The following CSMD1 variants were observed in gnomAD, a reference collection of about 807,000 sequenced individuals.
CSMD1 encodes the protein CUB and sushi domain-containing protein 1.
In CSMD1, 213 loss-of-function variants were observed where a neutral mutation model predicts 417.5. The observed-to-expected ratio is 0.51, with a 90% CI of 0.46 to 0.57. CSMD1 has a LOEUF of 0.57. CSMD1 is among the 20% of genes least tolerant of loss of function. CSMD1 has a pLI of 0.00. For missense variants in CSMD1, 6,923 were observed against 4,529.7 expected (o/e 1.53, Z -15.17); for synonymous variants, 2,862 against 1,736.8 (o/e 1.65, Z -16.11).
intron 54 of CSMD1, among the ~76,000 whole-genome samples, chr8:2,986,567 C>T (rs752888613): frequency 3.0e-4 from 45 of 152,104 alleles, no homozygotes; most frequent in Non-Finnish European, 5.1e-4. Flanking sequence ...TGCAATGGCG[C>T]GATCTCAGCT....
In CSMD1 at chr8:4,653,498, A is replaced by G. The variant is rs562707560; in HGVS notation, c.86-15940T>C. On this transcript the variant is annotated intron_variant, in intron 1 of 69. Transcript: ENST00000635120. ...TTTCAAATAAAGGAAAGACTTACAG[A>G]CACCAGACTTTCTAAAATAGATTTT... Among the ~76,000 whole-genome samples the G allele has an allele frequency of 9.9e-5, 15 of 152,246 alleles. 1 individual carries two copies. Among genetic ancestry groups the G allele is most frequent in the Admixed American group, 5.9e-4 (9 of 15,300 alleles).
At chr8:3,628,545 G>A (rs752675278) in intron 7 of CSMD1, among the ~76,000 whole-genome samples, 23 of 152,218 alleles carry the variant, frequency 1.5e-4, no homozygotes, top group Non-Finnish European at 1.5e-4. Context: ...GAAAGCCAGA[G>A]CTGGTTGGAT....
At chr8:3,510,794 G>T (rs188145521) in intron 10 of CSMD1, among the ~76,000 whole-genome samples, 1 of 151,836 alleles carries the variant, frequency 6.6e-6, no homozygotes, top group Non-Finnish European at 1.5e-5. Context: ...TTTATTAGCC[G>T]CATAAATGTC....
At chr8:3,173,254 A>G (rs1247628134) in intron 37 of CSMD1, among the ~76,000 whole-genome samples, 1 of 152,218 alleles carries the variant, frequency 6.6e-6, no homozygotes, top group Non-Finnish European at 1.5e-5. Context: ...CACACAAATA[A>G]ATATTGAATG....
At chr8:4,324,335 G>A (rs75606009) in intron 3 of CSMD1, among the ~76,000 whole-genome samples, 1,562 of 152,236 alleles carry the variant, frequency 0.01, 25 homozygotes, top group African/African-American at 0.035. Flanking sequence ...ATCAATACTC[G>A]GAAGGTCCTG....
rs80267896 is a variant in CSMD1 at position 3,801,152 on chromosome 8, G to C, written c.819-47110C>G. On this transcript the variant is annotated intron_variant, in intron 5 of 69. Transcript: ENST00000635120. ...ACATTAAAAATTTTTCTGCTGCAAA[G>C]GATACCACCAAGAAAAGATAGTCCA... Among the ~76,000 whole-genome samples the C allele has an allele frequency of 6.7e-3, 1,010 of 151,694 alleles. 10 individuals carry two copies. Among genetic ancestry groups the C allele is most frequent in the African/African-American group, 0.022 (920 of 41,354 alleles).
At chr8:3,682,505 A>G (rs547261342) in intron 7 of CSMD1, among the ~76,000 whole-genome samples, 3 of 152,162 alleles carry the variant, frequency 2.0e-5, no homozygotes. Context: ...CCATCTCACA[A>G]CAGTTGGAAT....
intron 3 of CSMD1, among the ~76,000 whole-genome samples, chr8:4,085,100 G>T (rs961518946): frequency 6.6e-6 from 1 of 152,014 alleles, no homozygotes; most frequent in African/African-American, 2.4e-5. Context: ...AGGGAATATT[G>T]GTCCAACCAG....
At position 4,841,930 on chromosome 8, in the gene CSMD1, A is replaced by AAAAAAAAAAAAAAAC. The variant is rs1192383183; in HGVS notation, c.85+152401_85+152402insGTTTTTTTTTTTTTT. Among the ~76,000 whole-genome samples, 27 of 122,472 alleles carry AAAAAAAAAAAAAAAC rather than the reference A, an allele frequency of 2.2e-4. 1 individual carries two copies. The highest frequency in any genetic ancestry group is 6.0e-4 in the African/African-American group (18 of 30,024). The allele number at this position is 122,472 out of a possible 152,430, so 80.3% of individuals were successfully genotyped here. On this transcript the variant is annotated intron_variant, in intron 1 of 69. Coordinates refer to ENST00000635120, the MANE Select transcript of CSMD1 (RefSeq NM_033225.6). Reference sequence around the variant, plus strand: ...CCGTCTCAAAAAAAAAAAAAAAAAAAAAAAAAAAGTTCAGAACAATGGATA... The same window carrying AAAAAAAAAAAAAAAC: ...CCGTCTCAAAAAAAAAAAAAAAAAAAAAAAAAAAAAAAAACAAAAAAAAGTTCAGAACAATGGATA...
chr8:3,215,959 T>C (rs952494147), intron 29 of CSMD1, among the ~76,000 whole-genome samples: 2 of 150,616 alleles, frequency 1.3e-5, no homozygotes, highest in African/African-American at 4.8e-5. Context: ...AATCATCGTA[T>C]ACATTATATA....
chr8:3,936,773 A>C (rs935204723), intron 5 of CSMD1, among the ~76,000 whole-genome samples: 1 of 152,136 alleles, frequency 6.6e-6, no homozygotes, highest in South Asian at 2.1e-4. Context: ...AACACGAAAA[A>C]CTTTTGACTT....
rs1024682449 is a variant in CSMD1, at chr8:3,773,570, A to G, written c.819-19528T>C. On this transcript the variant is annotated intron_variant, in intron 5 of 69. Coordinates refer to ENST00000635120, the MANE Select transcript of CSMD1 (RefSeq NM_033225.6). ...CCAAACTGCTGAAATTACAGGCATG[A>G]GCCACCACACCCGTCCTATAATAGG... is the stretch of plus-strand genomic sequence containing the variant. Among the ~76,000 whole-genome samples, 4 of 152,310 alleles carry G rather than the reference A, an allele frequency of 2.6e-5. No individual in the cohort carries two copies. In the East Asian group the frequency reaches 7.7e-4, roughly 29 times the overall value.
At chr8:3,834,638 T>C (rs879534520) in intron 5 of CSMD1, among the ~76,000 whole-genome samples, 2 of 152,176 alleles carry the variant, frequency 1.3e-5, no homozygotes, top group African/African-American at 4.8e-5. Flanking sequence ...TTGAGTCTTT[T>C]TAGTAAATTA....
At chr8:3,286,544 T>C (rs367702427) in intron 25 of CSMD1, among the ~76,000 whole-genome samples, 2 of 152,190 alleles carry the variant, frequency 1.3e-5, no homozygotes, top group South Asian at 2.1e-4. Context: ...TGGTATCTCA[T>C]TGTGGTTTTG....
At chr8:4,095,030 T>G (rs10087392) in intron 3 of CSMD1, among the ~76,000 whole-genome samples, 15,097 of 152,182 alleles carry the variant, frequency 0.099, 1,132 homozygotes, top group East Asian at 0.27. Context: ...ACAAAGATCT[T>G]GAGAAAGTCA....
intron 5 of CSMD1, among the ~76,000 whole-genome samples, chr8:3,989,361 T>A (rs79925484): frequency 1.3e-5 from 2 of 152,200 alleles, no homozygotes; most frequent in African/African-American, 4.8e-5. Flanking sequence ...TATGCTTTTA[T>A]GGCCTGCTGA....
chr8:4,457,114 C>A (rs899110480), intron 2 of CSMD1, among the ~76,000 whole-genome samples: 2 of 151,790 alleles, frequency 1.3e-5, no homozygotes, highest in Admixed American at 1.3e-4. Flanking sequence ...CGATGTGTTT[C>A]TTACTGTGAA....
intron 1 of CSMD1, among the ~76,000 whole-genome samples, chr8:4,910,709 A>G (rs1805605802): frequency 1.3e-5 from 2 of 152,234 alleles, no homozygotes; most frequent in East Asian, 1.9e-4. Flanking sequence ...GTTTTAAGAT[A>G]TTCTTTGTAA....
intron 5 of CSMD1, among the ~76,000 whole-genome samples, chr8:3,848,689 C>A (rs755921702): frequency 6.6e-5 from 10 of 152,084 alleles, no homozygotes; most frequent in Non-Finnish European, 1.2e-4. Flanking sequence ...ATGCTCCTTG[C>A]ACCATCTGTG....
Sources: gnomAD v4.1 joint callset for allele counts (sites outside exome capture counted in the v4.1 genomes callset) on GRCh38, gnomAD v4.1.1 for gene constraint, MANE v1.5 for transcripts, NCBI Gene and HGNC (gene_info 2026-07-23, HGNC 2026-07-21) for gene names.